Variants in ZFYVE1 observed in about 807,000 individuals in gnomAD.
ZFYVE1 encodes zinc finger FYVE domain-containing protein 1.
A neutral mutation model predicts 74.4 loss-of-function variants in ZFYVE1; 30 were observed. The observed-to-expected ratio is 0.40, with a 90% CI of 0.30 to 0.55. The LOEUF is 0.55. ZFYVE1 is among the 20% of genes least tolerant of loss of function. The probability of loss-of-function intolerance (pLI) is 0.42; values close to 1 mark genes in which losing one functional copy is unlikely to be tolerated. For missense variants in ZFYVE1, 703 were observed against 1,011.6 expected (o/e 0.69, Z 4.14); for synonymous variants, 335 against 385.1 (o/e 0.87, Z 1.52).
chr14:72,995,042 G>A (rs1364507996), intron 3 of ZFYVE1, among the ~76,000 whole-genome samples: 3 of 152,126 alleles, frequency 2.0e-5, no homozygotes, highest in African/African-American at 7.2e-5. Flanking sequence ...AGGTTGAAAG[G>A]ACTTTTTAAT....
intron 4 of ZFYVE1, among the ~76,000 whole-genome samples, chr14:72,982,581 T>C (rs572066489): frequency 2.0e-5 from 3 of 152,336 alleles, no homozygotes; most frequent in South Asian, 4.1e-4. Flanking sequence ...TCTTCACTTA[T>C]TACTGGATAT....
At chr14:73,000,427 CCT>C (rs1425660293) in intron 2 of ZFYVE1, among the ~76,000 whole-genome samples, 2 of 151,926 alleles carry the variant, frequency 1.3e-5, no homozygotes, top group Non-Finnish European at 2.9e-5. Context: ...CATGGTGCGA[CCT>C]CTGTCTCTAT....
chr14:73,008,378 C>G (rs906140579), intron 2 of ZFYVE1, among the ~76,000 whole-genome samples: 1 of 152,112 alleles, frequency 6.6e-6, no homozygotes, highest in Non-Finnish European at 1.5e-5. Context: ...AGGCTGGTCT[C>G]GAACTCCTGA....
chr14:73,021,541 C>T (rs1480061058), intron 2 of ZFYVE1, among the ~76,000 whole-genome samples: 1 of 152,166 alleles, frequency 6.6e-6, no homozygotes, highest in Non-Finnish European at 1.5e-5. Flanking sequence ...TGTCAATCAT[C>T]TAATTGTTTT....
chr14:73,010,504 G>A (rs1410911740), intron 2 of ZFYVE1, among the ~76,000 whole-genome samples: 1 of 152,164 alleles, frequency 6.6e-6, no homozygotes, highest in Non-Finnish European at 1.5e-5. Flanking sequence ...AGGAGGCTGA[G>A]GCAGGAGAAT....
rs2140350798 is a variant in ZFYVE1 at position 72,981,824 on chromosome 14, C to T, written c.1275G>A (p.Glu425=). ...QMAHSSFFPD[E]YFTCSSLCLS... is the part of the protein sequence containing the mutation. ...GGCACAAGGAGGAGCAGGTGAAATA[C>T]TCATCTGGAAAAAAGGAGCTGTGCG... The change falls in exon 5 of 12, where the codon GAG becomes GAA. Residue 425 remains glutamate, a synonymous_variant. Transcript: ENST00000556143. The T allele has an allele frequency of 6.2e-7, 1 of 1,614,116 alleles. No individual in the cohort carries two copies. Among genetic ancestry groups the T allele is most frequent in the Non-Finnish European group, 8.5e-7 (1 of 1,180,032 alleles).
chr14:72,980,532 AATTAATTT>A lies in ZFYVE1; in HGVS notation c.1310+1249_1310+1256del, dbSNP rs1456732707. ...TGAACATCAGCATCACCTGAGAATTAATTAATTTATTTATTTATTTATTTATTTATTTA... is the reference window on the plus strand; with the variant it reads ...TGAACATCAGCATCACCTGAGAATTAATTTATTTATTTATTTATTTATTTA... On this transcript the variant is annotated intron_variant, in intron 5 of 11. Transcript: ENST00000556143. 8.1e-3 allele frequency among the ~76,000 whole-genome samples: 789 copies of A among 97,396 alleles called. 3 individuals carry two copies. The highest frequency in any genetic ancestry group is 0.047 in the Middle Eastern group (10 of 212). 63.9% of individuals were successfully genotyped at this position (97,396 alleles called of 152,430 possible). A position where few individuals can be genotyped will look rare whatever the true frequency, so the allele number is the denominator to read the frequency against.
intron 2 of ZFYVE1, among the ~76,000 whole-genome samples, chr14:72,999,085 G>C (rs1005176182): frequency 6.6e-6 from 1 of 152,146 alleles, no homozygotes; most frequent in African/African-American, 2.4e-5. Context: ...TTGAGCCTAG[G>C]AGTTCAAGTG....
chr14:72,997,191 C>T (rs1214698050), intron 3 of ZFYVE1, among the ~76,000 whole-genome samples: 2 of 152,152 alleles, frequency 1.3e-5, no homozygotes, highest in Non-Finnish European at 2.9e-5. Flanking sequence ...TACATTCTTC[C>T]CTCTCTAATG....
At chr14:72,988,899 C>G (rs1893545644) in intron 4 of ZFYVE1, among the ~76,000 whole-genome samples, 1 of 148,940 alleles carries the variant, frequency 6.7e-6, no homozygotes, top group Admixed American at 6.7e-5. Flanking sequence ...CATACACGCA[C>G]ATGCACTTTT....
chr14:72,994,113 G>T (rs142052603), intron 3 of ZFYVE1, among the ~76,000 whole-genome samples: 1 of 150,812 alleles, frequency 6.6e-6, no homozygotes, highest in African/African-American at 2.4e-5. Flanking sequence ...ACCTGAGGTC[G>T]GGAGTTCGAG....
intron 2 of ZFYVE1, among the ~76,000 whole-genome samples, chr14:73,015,609 C>T (rs943837181): frequency 2.0e-5 from 3 of 152,112 alleles, no homozygotes; most frequent in African/African-American, 7.2e-5. Flanking sequence ...CTCTCGAATT[C>T]CTGACCTCAA....
At chr14:72,980,537 AT>A (rs575583108) in intron 5 of ZFYVE1, among the ~76,000 whole-genome samples, 12,903 of 104,112 alleles carry the variant, frequency 0.12, 641 homozygotes, top group South Asian at 0.24. Flanking sequence ...GAATTAATTA[AT>A]TTATTTATTT....
chr14:73,006,008 G>A (rs974154105), intron 2 of ZFYVE1, among the ~76,000 whole-genome samples: 8 of 151,596 alleles, frequency 5.3e-5, no homozygotes, highest in Admixed American at 2.0e-4. Context: ...TGCAAGTTCC[G>A]CCTCCCCGGT....
At chr14:72,976,629 A>G (rs1893177611) in intron 8 of ZFYVE1, among the ~76,000 whole-genome samples, 1 of 151,946 alleles carries the variant, frequency 6.6e-6, no homozygotes, top group African/African-American at 2.4e-5. Context: ...CTAAAAATAC[A>G]AAAATTAGCT....
At position 72,986,877 on chromosome 14, in the gene ZFYVE1, T is replaced by A. The variant is rs183592808; in HGVS notation, c.1204-4982A>T. ...CTGATCCATATACTTATTAGCAGGTTCAAAAATTCCAAACCTCACATCATT... is the reference window on the plus strand; with the variant it reads ...CTGATCCATATACTTATTAGCAGGTACAAAAATTCCAAACCTCACATCATT... On this transcript the variant is annotated intron_variant, in intron 4 of 11. Coordinates refer to ENST00000556143, the MANE Select transcript of ZFYVE1 (RefSeq NM_021260.4). 3.9e-5 allele frequency: 38 copies of A among 985,296 alleles called. No homozygotes were observed. In the East Asian group the frequency reaches 4.1e-3, roughly 106 times the overall value. The allele number at this position is 985,296 out of a possible 1,614,324, so 61.0% of individuals were successfully genotyped here.
chr14:72,977,512 A>G (rs1246416732), intron 8 of ZFYVE1, among the ~76,000 whole-genome samples: 1 of 152,204 alleles, frequency 6.6e-6, no homozygotes, highest in East Asian at 1.9e-4. Flanking sequence ...TTACACGAAG[A>G]TGGTGACTAG....
chr14:73,016,981 A>G (rs1041203744), intron 2 of ZFYVE1, among the ~76,000 whole-genome samples: 1 of 152,124 alleles, frequency 6.6e-6, no homozygotes, highest in Non-Finnish European at 1.5e-5. Context: ...CACCAGCTAA[A>G]TTACTTGAGG....
intron 4 of ZFYVE1, among the ~76,000 whole-genome samples, chr14:72,992,915 C>T (rs1483950395): frequency 6.6e-6 from 1 of 152,170 alleles, no homozygotes; most frequent in African/African-American, 2.4e-5. Context: ...TTTCTCCTAG[C>T]TGAGGACCGG....
Sources: gnomAD v4.1 joint callset for allele counts (sites outside exome capture counted in the v4.1 genomes callset) on GRCh38, gnomAD v4.1.1 for gene constraint, MANE v1.5 for transcripts, NCBI Gene and HGNC (gene_info 2026-07-23, HGNC 2026-07-21) for gene names.